Variants in UNC13B observed in about 807,000 individuals in gnomAD.
The protein encoded by UNC13B is protein unc-13 homolog B.
A neutral mutation model predicts 211.0 loss-of-function variants in UNC13B; 144 were observed. The ratio of observed to expected loss-of-function variants is 0.68; its 90% CI spans 0.60 to 0.78. UNC13B has a LOEUF of 0.78. Ranked by LOEUF, UNC13B falls within the 30% of genes least tolerant of loss-of-function variation. The pLI is 0.00. For missense variants in UNC13B, 1,777 were observed against 2,002.0 expected (o/e 0.89, Z 2.14); for synonymous variants, 709 against 725.8 (o/e 0.98, Z 0.37).
intron 22 of UNC13B, chr9:35,384,986 T>C (rs1383596465): frequency 1.0e-6 from 1 of 956,382 alleles, no homozygotes; most frequent in Non-Finnish European, 1.2e-6. Flanking sequence ...AGAAATGAGG[T>C]TTTAATTGTC....
rs545459056 is a variant in UNC13B at position 35,252,716 on chromosome 9, G to A, written c.469-6277G>A. On this transcript the variant is annotated intron_variant, in intron 6 of 39. Coordinates refer to ENST00000635942, the MANE Select transcript of UNC13B (RefSeq NM_001371189.2). ...GAGGCCGAGACGGGCGGATCACGAG[G>A]TCAGGAGATCGAGACCATCCTGGCT... 5.9e-5 allele frequency among the ~76,000 whole-genome samples: 9 copies of A among 152,166 alleles called. No homozygotes were observed. The South Asian group carries it at 1.9e-3, about 32-fold the overall frequency.
chr9:35,329,145 T>C (rs1831223973), intron 11 of UNC13B, among the ~76,000 whole-genome samples: 2 of 152,118 alleles, frequency 1.3e-5, no homozygotes, highest in African/African-American at 2.4e-5. Flanking sequence ...CTTTTCCTCC[T>C]CTCATGGGCT....
At position 35,403,472 on chromosome 9, in the gene UNC13B, G is replaced by A. The variant is rs746882482; in HGVS notation, c.12610G>A (p.Ala4204Thr). 1.2e-6 allele frequency: 2 copies of A among 1,614,040 alleles called. No homozygotes were observed. Among genetic ancestry groups the A allele is most frequent in the Non-Finnish European group, 1.7e-6 (2 of 1,180,028 alleles). Residue 4204 changes from alanine to threonine, a missense_variant, in exon 39 of 40, where the codon GCG (alanine) becomes ACG (threonine). Transcript: ENST00000635942. Reference sequence around the variant, plus strand: ...TGCCAATGACCTCAAGTGGCAGACAGCGGGTATGTTCCGGCCTTTCGTGGA... The same window carrying A: ...TGCCAATGACCTCAAGTGGCAGACAACGGGTATGTTCCGGCCTTTCGTGGA... ...VAANDLKWQT[A>T]GMFRPFVEVT...
intron 7 of UNC13B, among the ~76,000 whole-genome samples, chr9:35,285,485 G>C (rs60554124): frequency 7.2e-4 from 109 of 152,318 alleles, no homozygotes; most frequent in African/African-American, 2.5e-3. Flanking sequence ...TTGGGAGCCT[G>C]AGGCAGGTGG....
At chr9:35,247,078 A>T (rs1826145649) in intron 6 of UNC13B, among the ~76,000 whole-genome samples, 1 of 152,160 alleles carries the variant, frequency 6.6e-6, no homozygotes. Flanking sequence ...CATCCCTTGT[A>T]AGTTGGATTC....
intron 37 of UNC13B, among the ~76,000 whole-genome samples, chr9:35,401,777 TCA>T (rs1487362676): frequency 6.6e-6 from 1 of 152,206 alleles, no homozygotes; most frequent in Non-Finnish European, 1.5e-5. Flanking sequence ...TTTGGAGCAT[TCA>T]CACACTGACT....
rs777051872 is a variant in UNC13B at position 35,396,555 on chromosome 9, C to A, written c.11388C>A (p.Tyr3796Ter). The A allele has an allele frequency of 2.5e-6, 4 of 1,614,114 alleles. No homozygotes were observed. The South Asian group carries it at 4.4e-5, about 18-fold the overall frequency. The change falls in exon 27 of 40, where the codon TAC (tyrosine) becomes TAA (stop). Residue 3796 changes from tyrosine to a stop codon, truncating the protein, a stop_gained. Coordinates refer to ENST00000635942, the MANE Select transcript of UNC13B (RefSeq NM_001371189.2). LOFTEE classifies it high-confidence loss of function. ...HFKVKWLHNE[Y>*]VRDLPVLQGQ... ...AGGTGAAGTGGCTCCACAATGAATA[C>A]GTGCGGGATCTGCCTGTCCTCCAGG... is the stretch of plus-strand genomic sequence containing the variant.
At chr9:35,190,772 T>C (rs983607829) in intron 1 of UNC13B, among the ~76,000 whole-genome samples, 6 of 152,214 alleles carry the variant, frequency 3.9e-5, no homozygotes, top group South Asian at 2.1e-4. Flanking sequence ...TATCTATAAC[T>C]GGGATATCCA....
At chr9:35,199,428 A>G (rs1215809186) in intron 1 of UNC13B, among the ~76,000 whole-genome samples, 1 of 152,196 alleles carries the variant, frequency 6.6e-6, no homozygotes, top group Non-Finnish European at 1.5e-5. Context: ...ACTGTCTTCC[A>G]CAATGGTTGA....
intron 25 of UNC13B, 64 bp downstream of exon 25, chr9:35,390,037 C>A (rs1835434870): frequency 6.3e-7 from 1 of 1,596,514 alleles, no homozygotes; most frequent in Non-Finnish European, 8.6e-7. Flanking sequence ...CTAACAACCT[C>A]TTTCTTTCCT....
intron 1 of UNC13B, among the ~76,000 whole-genome samples, chr9:35,226,422 A>G (rs1824846430): frequency 6.6e-6 from 1 of 152,200 alleles, no homozygotes; most frequent in Admixed American, 6.5e-5. Context: ...ACACATATCT[A>G]TATATGAGAG....
intron 11 of UNC13B, among the ~76,000 whole-genome samples, chr9:35,318,594 C>A (rs543212288): frequency 6.6e-6 from 1 of 152,294 alleles, no homozygotes; most frequent in African/African-American, 2.4e-5. Flanking sequence ...CCTTCCATAT[C>A]AGCTCTAAGA....
intron 15 of UNC13B, among the ~76,000 whole-genome samples, chr9:35,377,257 C>T (rs1208152026): frequency 1.3e-5 from 2 of 152,156 alleles, no homozygotes; most frequent in Non-Finnish European, 1.5e-5. Context: ...GAAAAGACTG[C>T]CTGAAGACAA....
In UNC13B at chr9:35,382,242, G is replaced by T; in HGVS notation, c.10656-115G>T. ...GCAGAAAGTAGCCCTAGGCAAGAGA[G>T]GGCAGCAATTGCCCTGGCTGTGCTT... On this transcript the variant is annotated intron_variant, in intron 20 of 39. Transcript: ENST00000635942. 2.9e-6 allele frequency: 4 copies of T among 1,398,062 alleles called. No homozygotes were observed. In the South Asian group the frequency reaches 5.6e-5, roughly 20 times the overall value. 86.6% of individuals were successfully genotyped at this position (1,398,062 alleles called of 1,614,324 possible).
chr9:35,225,003 A>C (rs1008369150), intron 1 of UNC13B, among the ~76,000 whole-genome samples: 9 of 151,918 alleles, frequency 5.9e-5, no homozygotes, highest in East Asian at 2.0e-4. Context: ...AAAAAAAAAA[A>C]CTCTCAAAAA....
chr9:35,362,680 G>A (rs1317881941), intron 11 of UNC13B, among the ~76,000 whole-genome samples: 1 of 151,752 alleles, frequency 6.6e-6, no homozygotes, highest in East Asian at 1.9e-4. Flanking sequence ...GGCGCCTGTA[G>A]TCCCAGCTAC....
intron 1 of UNC13B, among the ~76,000 whole-genome samples, chr9:35,225,452 G>A (rs1824781707): frequency 6.6e-6 from 1 of 152,194 alleles, no homozygotes; most frequent in South Asian, 2.1e-4. Flanking sequence ...ACCATGCCCG[G>A]CTGAATGTTT....
intron 18 of UNC13B, 82 bp from the exon 19 acceptor site, chr9:35,381,018 C>G (rs752512799): frequency 1.4e-6 from 2 of 1,381,824 alleles, no homozygotes; most frequent in Non-Finnish European, 2.0e-6. Context: ...GGCCCCTTCT[C>G]TTCCTTGGGT....
intron 1 of UNC13B, among the ~76,000 whole-genome samples, chr9:35,194,555 C>T (rs1722443524): frequency 6.6e-6 from 1 of 152,210 alleles, no homozygotes; most frequent in African/African-American, 2.4e-5. Context: ...TCTCCATTTT[C>T]TTCCCAGTAA....
Sources: gnomAD v4.1 joint callset for allele counts (sites outside exome capture counted in the v4.1 genomes callset) on GRCh38, gnomAD v4.1.1 for gene constraint, MANE v1.5 for transcripts, NCBI Gene and HGNC (gene_info 2026-07-23, HGNC 2026-07-21) for gene names.